Variants in NBEA observed in about 807,000 individuals in gnomAD.
NBEA encodes neurobeachin, also known as lysosomal-trafficking regulator 2.
Under a neutral mutation model 343.4 loss-of-function variants are expected in NBEA, and 44 were observed. That is an observed-to-expected ratio of 0.13 (90% CI 0.10 to 0.16). The LOEUF (loss-of-function observed/expected upper bound fraction) is 0.16. NBEA is among the 10% of genes least tolerant of loss of function. The pLI is 1.00. For missense variants in NBEA, 2,555 were observed against 3,631.3 expected (o/e 0.70, Z 7.62); for synonymous variants, 1,175 against 1,238.7 (o/e 0.95, Z 1.08).
intron 41 of NBEA, among the ~76,000 whole-genome samples, chr13:35,522,475 C>CAAAAAAAAAAAAAAAAAAAAAAAAAAA (rs138270833): frequency 7.1e-5 from 3 of 42,036 alleles, no homozygotes; most frequent in African/African-American, 1.3e-4. Flanking sequence ...ATACCATCTC[C>CAAAAAAAAAAAAAAAAAAAAAAAAAAA]AAAAAAAAAA....
chr13:35,159,873 T>C lies in NBEA; in HGVS notation c.3702T>C (p.Tyr1234=), dbSNP rs2069436681. 1.2e-6 allele frequency: 2 copies of C among 1,604,216 alleles called. No individual in the cohort carries two copies. The highest frequency in any genetic ancestry group is 2.2e-5 in the South Asian group (2 of 89,518). Residue 1234 remains tyrosine, a synonymous_variant, in exon 22 of 59, where the codon TAT becomes TAC. Coordinates refer to ENST00000379939, the MANE Select transcript of NBEA (RefSeq NM_001385012.1). ...DLASSTKGLE[Y]AEMTATTLET... ...CGTCATCAACTAAGGGGCTGGAGTA[T>C]GCTGAAATGACTGCTACAACTCTGG...
chr13:35,280,944 AG>A (rs2152811150), intron 34 of NBEA, among the ~76,000 whole-genome samples: 1 of 152,160 alleles, frequency 6.6e-6, no homozygotes, highest in East Asian at 1.9e-4. Flanking sequence ...TTACACTAGA[AG>A]TGTTTTTTTA....
chr13:35,449,465 A>C (rs1188670106), intron 39 of NBEA, among the ~76,000 whole-genome samples: 1 of 152,212 alleles, frequency 6.6e-6, no homozygotes, highest in African/African-American at 2.4e-5. Context: ...CAATTAGCTC[A>C]GTAAGAGAAA....
At chr13:35,612,444 A>G (rs1400641888) in intron 48 of NBEA, among the ~76,000 whole-genome samples, 1 of 152,062 alleles carries the variant, frequency 6.6e-6, no homozygotes, top group African/African-American at 2.4e-5. Flanking sequence ...CAATTTTAAT[A>G]TATATTCCCT....
chr13:35,630,851 C>T (rs948863941), intron 49 of NBEA, among the ~76,000 whole-genome samples: 1 of 152,122 alleles, frequency 6.6e-6, no homozygotes, highest in Non-Finnish European at 1.5e-5. Flanking sequence ...GCCTCTATCT[C>T]CTTGTGACCA....
chr13:34,990,747 C>T (rs1158254777), intron 1 of NBEA, among the ~76,000 whole-genome samples: 3 of 152,200 alleles, frequency 2.0e-5, no homozygotes, highest in South Asian at 4.1e-4. Flanking sequence ...TCTTTTCTCC[C>T]TCATGGTCAG....
intron 53 of NBEA, among the ~76,000 whole-genome samples, chr13:35,652,506 TG>T (rs1243112515): frequency 6.7e-6 from 1 of 149,304 alleles, no homozygotes; most frequent in African/African-American, 2.5e-5. Flanking sequence ...CCAGGCGCGG[TG>T]GCGGGCACCT....
At chr13:35,655,484 A>T in intron 54 of NBEA, 95 bp from the exon 55 acceptor site, 1 of 1,261,090 alleles carries the variant, frequency 7.9e-7, no homozygotes, top group Non-Finnish European at 1.1e-6. Context: ...AATTAAAAAT[A>T]TGGTAAAATT....
chr13:34,975,016 C>A (rs975579963), intron 1 of NBEA, among the ~76,000 whole-genome samples: 2 of 152,124 alleles, frequency 1.3e-5, no homozygotes, highest in Non-Finnish European at 2.9e-5. Flanking sequence ...CATACTATCA[C>A]CTTGAGGTAA....
At chr13:35,172,484 A>G (rs116976730) in intron 26 of NBEA, among the ~76,000 whole-genome samples, 9,404 of 152,054 alleles carry the variant, frequency 0.062, 403 homozygotes, top group Non-Finnish European at 0.09. Flanking sequence ...AAATGGCTCA[A>G]TATCTTGAAA....
chr13:35,365,368 T>A lies in NBEA; in HGVS notation c.6179+13045T>A, dbSNP rs1387184084. On this transcript the variant is annotated intron_variant, in intron 38 of 58. Transcript: ENST00000379939. ...AAAATTAGTTTTTGGATTCCCTACATTAATGAAACTGCTCCTTGGCTTACA... is the reference window on the plus strand; with the variant it reads ...AAAATTAGTTTTTGGATTCCCTACAATAATGAAACTGCTCCTTGGCTTACA... Among the ~76,000 whole-genome samples the A allele has an allele frequency of 5.9e-5, 9 of 151,700 alleles. No individual in the cohort carries two copies. The East Asian group carries it at 1.7e-3, about 29-fold the overall frequency.
At chr13:35,061,990 A>G (rs1450591759) in intron 8 of NBEA, among the ~76,000 whole-genome samples, 1 of 151,680 alleles carries the variant, frequency 6.6e-6, no homozygotes, top group Non-Finnish European at 1.5e-5. Context: ...TAGTCACACA[A>G]TTTAGCATAT....
chr13:35,360,277 T>C (rs760305273), intron 38 of NBEA, among the ~76,000 whole-genome samples: 1 of 152,016 alleles, frequency 6.6e-6, no homozygotes, highest in Non-Finnish European at 1.5e-5. Context: ...AAAAGTATTC[T>C]TAGGTTTCCT....
chr13:35,556,154 C>A (rs1364739249), intron 44 of NBEA, among the ~76,000 whole-genome samples: 2 of 151,708 alleles, frequency 1.3e-5, no homozygotes, highest in Non-Finnish European at 2.9e-5. Context: ...GTAGTACATA[C>A]ACATATATAT....
At chr13:35,329,231 C>T (rs955253422) in intron 36 of NBEA, among the ~76,000 whole-genome samples, 1 of 152,040 alleles carries the variant, frequency 6.6e-6, no homozygotes, top group South Asian at 2.1e-4. Context: ...AACACTTATA[C>T]CATGGTGGTG....
At chr13:35,428,781 A>G (rs2044887548) in intron 38 of NBEA, among the ~76,000 whole-genome samples, 2 of 152,180 alleles carry the variant, frequency 1.3e-5, no homozygotes. Context: ...AAGTGATTTT[A>G]GATTGAAACC....
chr13:35,598,268 T>C (rs918728285), intron 47 of NBEA, among the ~76,000 whole-genome samples: 7 of 152,152 alleles, frequency 4.6e-5, no homozygotes, highest in East Asian at 1.9e-4. Flanking sequence ...TCAATGTTCA[T>C]AGCAGTTCTG....
chr13:35,099,491 C>T (rs1220105238), intron 11 of NBEA, among the ~76,000 whole-genome samples: 3 of 152,084 alleles, frequency 2.0e-5, no homozygotes, highest in Non-Finnish European at 2.9e-5. Flanking sequence ...TGAACCACCG[C>T]GCCTGGCCTT....
At chr13:35,542,310 C>A (rs900774125) in intron 41 of NBEA, among the ~76,000 whole-genome samples, 1 of 152,180 alleles carries the variant, frequency 6.6e-6, no homozygotes, top group Non-Finnish European at 1.5e-5. Flanking sequence ...AGCTTCATTT[C>A]TTGATCATTT....
Sources: gnomAD v4.1 joint callset for allele counts (sites outside exome capture counted in the v4.1 genomes callset) on GRCh38, gnomAD v4.1.1 for gene constraint, MANE v1.5 for transcripts, NCBI Gene and HGNC (gene_info 2026-07-23, HGNC 2026-07-21) for gene names.